Variants in ADCYAP1R1 observed in about 807,000 individuals in gnomAD.
ADCYAP1R1 encodes pituitary adenylate cyclase-activating polypeptide type I receptor.
Under a neutral mutation model 67.6 loss-of-function variants are expected in ADCYAP1R1, and 44 were observed. The ratio of observed to expected loss-of-function variants is 0.65; its 90% CI spans 0.51 to 0.84. The LOEUF (loss-of-function observed/expected upper bound fraction) is 0.84. Among genes scored for constraint, ADCYAP1R1 ranks in the 40% least tolerant of loss-of-function variants. The pLI, the probability that ADCYAP1R1 is intolerant of heterozygous loss-of-function variation, is 0.00. For synonymous variants in ADCYAP1R1, 222 were observed against 219.6 expected, an observed-to-expected ratio of 1.01 and a Z score of -0.10; for missense variants, 477 against 587.9, an observed-to-expected ratio of 0.81 and a Z score of 1.95.
intron 3 of ADCYAP1R1, among the ~76,000 whole-genome samples, 170 bp from the exon 4 acceptor site, chr7:31,077,821 G>A (rs1485304896): frequency 7.0e-6 from 1 of 143,058 alleles, no homozygotes; most frequent in African/African-American, 2.9e-5. Flanking sequence ...GTGTGTGTGT[G>A]ATGTGTGTTT....
At chr7:31,069,600 G>A (rs532439958) in intron 3 of ADCYAP1R1, among the ~76,000 whole-genome samples, 53 of 152,292 alleles carry the variant, frequency 3.5e-4, no homozygotes, top group African/African-American at 1.3e-3. Context: ...GTGGCACTGT[G>A]TGTGTGGCTG....
chr7:31,077,966 C>A lies in ADCYAP1R1; in HGVS notation c.158-25C>A, dbSNP rs1795345400. The A allele has an allele frequency of 2.6e-6, 4 of 1,568,294 alleles. No homozygotes were observed. The East Asian group carries it at 9.0e-5, about 35-fold the overall frequency. On this transcript the variant is annotated intron_variant, in intron 3 of 15. Transcript: ENST00000304166. Reference sequence around the variant, plus strand: ...GTATGGGTGTGTGTGGCTGGCCCCTCTCACCATGGCTGTCTTACCCACAGG... The same window carrying A: ...GTATGGGTGTGTGTGGCTGGCCCCTATCACCATGGCTGTCTTACCCACAGG...
chr7:31,074,505 C>T (rs923568564), intron 3 of ADCYAP1R1, among the ~76,000 whole-genome samples: 1 of 152,232 alleles, frequency 6.6e-6, no homozygotes, highest in Non-Finnish European at 1.5e-5. Context: ...ACACTCATGA[C>T]CCTGCTCATT....
At chr7:31,057,978 G>T (rs1794324030) in intron 1 of ADCYAP1R1, among the ~76,000 whole-genome samples, 1 of 152,348 alleles carries the variant, frequency 6.6e-6, no homozygotes, top group Non-Finnish European at 1.5e-5. Context: ...CCCATGATGG[G>T]CAGATGAGAG....
At chr7:31,075,936 G>T (rs1339029526) in intron 3 of ADCYAP1R1, among the ~76,000 whole-genome samples, 3 of 152,196 alleles carry the variant, frequency 2.0e-5, no homozygotes, top group African/African-American at 7.2e-5. Context: ...TAAAGGGAAG[G>T]AGCTGAAGTG....
In ADCYAP1R1 at chr7:31,098,716, G is replaced by C. The variant is rs1304829667; in HGVS notation, c.1047-4521G>C. 1.2e-4 allele frequency among the ~76,000 whole-genome samples: 10 copies of C among 86,734 alleles called. 1 individual carries two copies. The Admixed American group carries it at 1.2e-3, about 11-fold the overall frequency. The allele number at this position is 86,734 out of a possible 152,430, so 56.9% of individuals were successfully genotyped here. A position where few individuals can be genotyped will look rare whatever the true frequency, so the allele number is the denominator to read the frequency against. ...GATGCAGCGGGGCGGGGGGGGGGGG[G>C]GGACCTGGGCTTGCCCCATCTTGGA... On this transcript the variant is annotated intron_variant, in intron 13 of 15. Coordinates refer to ENST00000304166, the MANE Select transcript of ADCYAP1R1 (RefSeq NM_001118.5).
At chr7:31,057,632 G>C (rs1322421137) in intron 1 of ADCYAP1R1, among the ~76,000 whole-genome samples, 1 of 137,150 alleles carries the variant, frequency 7.3e-6, no homozygotes, top group East Asian at 2.0e-4. Flanking sequence ...CCCTTTATCA[G>C]CTCTGGTCTT....
rs998300607 is a variant in ADCYAP1R1 at position 31,109,970 on chromosome 7, C to T, written c.*3286C>T. Reference sequence around the variant, plus strand: ...TACAGCGACTCTTCTCTAACCCCACCCCCTCCAAGCTGGGTTCTTTGTGGA... The same window carrying T: ...TACAGCGACTCTTCTCTAACCCCACTCCCTCCAAGCTGGGTTCTTTGTGGA... On this transcript the variant is annotated 3_prime_UTR_variant, in exon 16 of 16. Coordinates refer to ENST00000304166, the MANE Select transcript of ADCYAP1R1 (RefSeq NM_001118.5). The T allele has an allele frequency of 2.6e-5, 4 of 152,198 alleles. No homozygotes were observed. Among genetic ancestry groups the T allele is most frequent in the African/African-American group, 9.7e-5 (4 of 41,348 alleles). The allele number at this position is 152,198 out of a possible 1,614,324, so 9.4% of individuals were successfully genotyped here.
In ADCYAP1R1 at chr7:31,095,096, A is replaced by G. The variant is rs550116901; in HGVS notation, c.1046+2361A>G. Among the ~76,000 whole-genome samples, 69 of 152,320 alleles carry G rather than the reference A, an allele frequency of 4.5e-4. 1 individual carries two copies. The highest frequency in any genetic ancestry group is 3.4e-3 in the Middle Eastern group (1 of 294). On this transcript the variant is annotated intron_variant, in intron 13 of 15. Coordinates refer to ENST00000304166, the MANE Select transcript of ADCYAP1R1 (RefSeq NM_001118.5). ...AAAGTGAGTAGTAATCCAATTGACC[A>G]CACTGCTAAGAACTGTAGAGCACTT...
At chr7:31,061,217 G>A (rs1794488325) in intron 1 of ADCYAP1R1, among the ~76,000 whole-genome samples, 2 of 152,254 alleles carry the variant, frequency 1.3e-5, no homozygotes, top group Admixed American at 1.3e-4. Context: ...TGCCTTGCAG[G>A]ATCTGCCTGC....
Position 31,063,307 on chromosome 7 carries a change from C to G in ADCYAP1R1, c.43C>G (p.Leu15Val), listed in dbSNP as rs148700865. 2.5e-6 allele frequency: 4 copies of G among 1,614,064 alleles called. No homozygotes were observed. The African/African-American group carries it at 4.0e-5, about 16-fold the overall frequency. ...VHVSLAALLLLPMAPAMHSDC... is the reference protein window; with the variant it reads ...VHVSLAALLLVPMAPAMHSDC... The stretch of plus-strand genomic sequence containing the variant: ...CGTTTCCCTGGCTGCTCTCCTCCTG[C>G]TGCCTATGGTAAGGGCCCAGGAACA... The change falls in exon 2 of 16, where the codon CTG becomes GTG. Residue 15 changes from leucine (L) to valine (V), a missense_variant. Coordinates refer to ENST00000304166, the MANE Select transcript of ADCYAP1R1 (RefSeq NM_001118.5).
chr7:31,084,100 T>G, intron 6 of ADCYAP1R1, 41 bp from the exon 7 acceptor site: 1 of 1,565,002 alleles, frequency 6.4e-7, no homozygotes, highest in Non-Finnish European at 8.8e-7. Flanking sequence ...AGGGCCCTCT[T>G]AATCATTTCT....
chr7:31,105,836 T>C (rs1796619183), intron 15 of ADCYAP1R1, among the ~76,000 whole-genome samples: 1 of 152,128 alleles, frequency 6.6e-6, no homozygotes, highest in South Asian at 2.1e-4. Context: ...AGGGTGGGTG[T>C]AGGCGCTGCT....
intron 12 of ADCYAP1R1, among the ~76,000 whole-genome samples, chr7:31,090,183 T>C (rs1449113138): frequency 6.6e-6 from 1 of 152,202 alleles, no homozygotes; most frequent in Non-Finnish European, 1.5e-5. Flanking sequence ...TCTTCTGAGG[T>C]TATTGCTCTA....
intron 3 of ADCYAP1R1, among the ~76,000 whole-genome samples, chr7:31,066,393 C>T (rs562876213): frequency 6.6e-6 from 1 of 152,156 alleles, no homozygotes; most frequent in African/African-American, 2.4e-5. Flanking sequence ...TGCTCACCTG[C>T]TTGTTGAACT....
At chr7:31,081,386 T>C (rs1185192042) in intron 5 of ADCYAP1R1, among the ~76,000 whole-genome samples, 1 of 152,116 alleles carries the variant, frequency 6.6e-6, no homozygotes, top group Admixed American at 6.5e-5. Flanking sequence ...GGCCCAACCA[T>C]CCCTTTTCAT....
At chr7:31,053,977 T>A (rs913399904) in intron 1 of ADCYAP1R1, among the ~76,000 whole-genome samples, 1 of 152,160 alleles carries the variant, frequency 6.6e-6, no homozygotes, top group African/African-American at 2.4e-5. Context: ...CACCCAGGTT[T>A]TCTCAGGAGA....
In ADCYAP1R1 at chr7:31,108,439, T is replaced by C. The variant is rs1205259760; in HGVS notation, c.*1755T>C. On this transcript the variant is annotated 3_prime_UTR_variant, in exon 16 of 16. Transcript: ENST00000304166. The stretch of plus-strand genomic sequence containing the variant: ...ACCTCATGATCCCCTCCACCTGCAC[T>C]GGTGTGCATTACTGAAGCAAGGGTC... 1 of 152,284 alleles carries C rather than the reference T, an allele frequency of 6.6e-6. No homozygotes were observed. The highest frequency in any genetic ancestry group is 2.1e-4 in the South Asian group (1 of 4,834). 9.4% of individuals were successfully genotyped at this position (152,284 alleles called of 1,614,324 possible).
chr7:31,079,044 C>T (rs758275892), intron 4 of ADCYAP1R1, among the ~76,000 whole-genome samples: 2 of 152,134 alleles, frequency 1.3e-5, no homozygotes, highest in Non-Finnish European at 2.9e-5. Flanking sequence ...GCTTTGTGCA[C>T]AGGTGGGATG....
Sources: gnomAD v4.1 joint callset for allele counts (sites outside exome capture counted in the v4.1 genomes callset) on GRCh38, gnomAD v4.1.1 for gene constraint, MANE v1.5 for transcripts, NCBI Gene and HGNC (gene_info 2026-07-23, HGNC 2026-07-21) for gene names.